The following WARS2 variants were observed in gnomAD, a reference collection of about 807,000 sequenced individuals.
The protein encoded by WARS2 is tryptophanyl tRNA synthetase 2, mitochondrial, also known as tryptophan--tRNA ligase, mitochondrial.
In WARS2, 28 loss-of-function variants were observed where a neutral mutation model predicts 36.5. That is an observed-to-expected ratio of 0.77 (90% CI 0.57 to 1.05). WARS2 has a LOEUF of 1.05. Ranked by LOEUF, WARS2 falls within the 50% of genes least tolerant of loss-of-function variation. The probability of loss-of-function intolerance (pLI) is 0.00; values close to 1 mark genes in which losing one functional copy is unlikely to be tolerated. For synonymous variants in WARS2, 174 were observed against 178.4 expected, an observed-to-expected ratio of 0.98 and a Z score of 0.20; for missense variants, 435 against 456.8, an observed-to-expected ratio of 0.95 and a Z score of 0.44.
chr1:119,108,584 C>A (rs1411202166), intron 1 of WARS2, among the ~76,000 whole-genome samples: 1 of 151,776 alleles, frequency 6.6e-6, no homozygotes, highest in African/African-American at 2.4e-5. Context: ...TATTTCTTAG[C>A]CTGGCTAAGG....
At position 119,058,690 on chromosome 1, in the gene WARS2, T is replaced by G. The variant is rs553165965; in HGVS notation, c.349-13028A>C. ...TCCATGGTGTATATGTGCCACATTT[T>G]CTTAATCCAGTCTATCATTGTTGGA... On this transcript the variant is annotated intron_variant, in intron 2 of 5. Coordinates refer to ENST00000235521, the MANE Select transcript of WARS2 (RefSeq NM_015836.4). Among the ~76,000 whole-genome samples the G allele has an allele frequency of 6.4e-5, 8 of 125,502 alleles. 2 individuals are homozygous for G. The highest frequency in any genetic ancestry group is 4.0e-4 in the East Asian group (2 of 5,002). The allele number at this position is 125,502 out of a possible 152,430, so 82.3% of individuals were successfully genotyped here. A position where few individuals can be genotyped will look rare whatever the true frequency, so the allele number is the denominator to read the frequency against.
In WARS2 at chr1:119,034,088, T is replaced by C; in HGVS notation, c.634+7A>G. On this transcript the variant is annotated splice_region_variant and intron_variant, in intron 5 of 5. Coordinates refer to ENST00000235521, the MANE Select transcript of WARS2 (RefSeq NM_015836.4). Reference sequence around the variant, plus strand: ...CCTGATGTAACAATTATAAGTTTCTTACTTACTGAGAATGGACTCGGGCAC... The same window carrying C: ...CCTGATGTAACAATTATAAGTTTCTCACTTACTGAGAATGGACTCGGGCAC... 1 of 1,608,398 alleles carries C rather than the reference T, an allele frequency of 6.2e-7. No homozygotes were observed. The highest frequency in any genetic ancestry group is 1.3e-5 in the African/African-American group (1 of 74,924).
intron 2 of WARS2, among the ~76,000 whole-genome samples, chr1:119,067,553 T>C (rs1279362756): frequency 6.6e-6 from 1 of 152,240 alleles, no homozygotes; most frequent in Non-Finnish European, 1.5e-5. Flanking sequence ...ATTAACTTTA[T>C]CTCCATCTTC....
At chr1:119,130,245 T>C (rs587600134) in intron 1 of WARS2, among the ~76,000 whole-genome samples, 3 of 152,174 alleles carry the variant, frequency 2.0e-5, no homozygotes, top group Non-Finnish European at 4.4e-5. Flanking sequence ...CCACATCAGT[T>C]GTTGTATAGA....
chr1:119,122,857 G>A (rs1421648223), intron 1 of WARS2, among the ~76,000 whole-genome samples: 7 of 152,120 alleles, frequency 4.6e-5, no homozygotes, highest in Non-Finnish European at 1.0e-4. Flanking sequence ...GCATAAGAAT[G>A]ATAGAATGGA....
intron 1 of WARS2, 65 bp downstream of exon 1, chr1:119,140,490 G>C: frequency 6.9e-7 from 1 of 1,445,260 alleles, no homozygotes; most frequent in Non-Finnish European, 9.7e-7. Context: ...ATAAATAGAG[G>C]GCAGTGGGAT....
chr1:119,115,270 C>T (rs1571380111), intron 1 of WARS2, among the ~76,000 whole-genome samples: 1 of 152,148 alleles, frequency 6.6e-6, no homozygotes, highest in Non-Finnish European at 1.5e-5. Flanking sequence ...TTGTGGCAAT[C>T]GAGCTTTGCC....
chr1:119,082,649 C>G (rs1652287426), intron 1 of WARS2: 1 of 157,400 alleles, frequency 6.4e-6, no homozygotes, highest in African/African-American at 2.4e-5. Context: ...CCCACCCAAC[C>G]CCTCTCCCCA....
At chr1:119,130,312 T>C (rs1017370375) in intron 1 of WARS2, among the ~76,000 whole-genome samples, 12 of 152,318 alleles carry the variant, frequency 7.9e-5, no homozygotes, top group Admixed American at 5.9e-4. Context: ...ATACTCAAAA[T>C]AAAATCTTTT....
At chr1:119,139,459 T>C (rs900007897) in intron 1 of WARS2, among the ~76,000 whole-genome samples, 27 of 152,166 alleles carry the variant, frequency 1.8e-4, no homozygotes, top group African/African-American at 6.0e-4. Context: ...TTTCCAGAGG[T>C]TGAAAGAACA....
chr1:119,112,298 T>C (rs1654695250), intron 1 of WARS2, among the ~76,000 whole-genome samples: 1 of 152,140 alleles, frequency 6.6e-6, no homozygotes, highest in African/African-American at 2.4e-5. Flanking sequence ...GACAACTTTA[T>C]TAGAAAAGTT....
At chr1:119,081,248 T>C (rs1366442320) in intron 1 of WARS2, among the ~76,000 whole-genome samples, 1 of 152,232 alleles carries the variant, frequency 6.6e-6, no homozygotes, top group South Asian at 2.1e-4. Context: ...TCAAAAGCAA[T>C]TGAAAATTCC....
chr1:119,098,872 G>C (rs893061930), intron 1 of WARS2, among the ~76,000 whole-genome samples: 3 of 152,128 alleles, frequency 2.0e-5, no homozygotes, highest in Non-Finnish European at 4.4e-5. Flanking sequence ...GAGTAGTTGG[G>C]ATTACAGATG....
chr1:119,127,812 C>G lies in WARS2; in HGVS notation c.90+12743G>C, dbSNP rs1212338333. On this transcript the variant is annotated intron_variant, in intron 1 of 5. Transcript: ENST00000235521. Reference sequence around the variant, plus strand: ...TCTCTTTCCTGTATTGTCAATCTCTCTATCTTTACTTGCTCTAATGGTCAT... The same window carrying G: ...TCTCTTTCCTGTATTGTCAATCTCTGTATCTTTACTTGCTCTAATGGTCAT... Among the ~76,000 whole-genome samples, 3 of 152,158 alleles carry G rather than the reference C, an allele frequency of 2.0e-5. No homozygotes were observed. In the East Asian group the frequency reaches 5.8e-4, roughly 29 times the overall value.
At chr1:119,042,683 C>T (rs1284702066) in intron 3 of WARS2, among the ~76,000 whole-genome samples, 1 of 151,996 alleles carries the variant, frequency 6.6e-6, no homozygotes, top group African/African-American at 2.4e-5. Flanking sequence ...ACAGACAAGG[C>T]CACAAACCGT....
chr1:119,039,361 A>ATG (rs1028114047), intron 4 of WARS2, among the ~76,000 whole-genome samples: 4 of 151,964 alleles, frequency 2.6e-5, no homozygotes, highest in East Asian at 1.9e-4. Context: ...CTTTATGTGT[A>ATG]TGTGTGTGTG....
At chr1:119,046,285 GTTTTTTTTTTT>G (rs71070781) in intron 2 of WARS2, among the ~76,000 whole-genome samples, 1 of 101,496 alleles carries the variant, frequency 9.9e-6, no homozygotes, top group South Asian at 4.1e-4. Flanking sequence ...CTCCTTTTCT[GTTTTTTTTTTT>G]TTTTTTTTTT....
chr1:119,123,678 TTCC>T (rs1218160108), intron 1 of WARS2, among the ~76,000 whole-genome samples: 1 of 152,126 alleles, frequency 6.6e-6, no homozygotes, highest in African/African-American at 2.4e-5. Context: ...ATGTTACCAC[TTCC>T]TCCTCATCTT....
intron 2 of WARS2, among the ~76,000 whole-genome samples, chr1:119,075,491 G>C (rs1224022106): frequency 6.6e-6 from 1 of 152,046 alleles, no homozygotes; most frequent in African/African-American, 2.4e-5. Context: ...TGTCTGCTCT[G>C]TAAGAATCAT....
Sources: allele counts gnomAD v4.1 joint callset (sites outside exome capture counted in the v4.1 genomes callset), GRCh38; gene constraint gnomAD v4.1.1; transcripts MANE v1.5; gene names NCBI Gene and HGNC (gene_info 2026-07-23, HGNC 2026-07-21).